The following DHX9 variants were observed in gnomAD, a reference collection of about 807,000 sequenced individuals.
DHX9 encodes DExH-box helicase 9.
DHX9 carries 27 observed loss-of-function variants against 148.7 expected under a neutral mutation model. That is an observed-to-expected ratio of 0.18 (90% confidence interval 0.13 to 0.25). The LOEUF (loss-of-function observed/expected upper bound fraction) is 0.25, where lower values mean the gene tolerates loss of function less well. DHX9 is among the 10% of genes least tolerant of loss of function. The pLI, the probability that DHX9 is intolerant of heterozygous loss-of-function variation, is 1.00. For synonymous variants in DHX9, 529 were observed against 516.6 expected (o/e 1.02, Z -0.33); for missense variants, 796 against 1,559.6 (o/e 0.51, Z 8.25).
chr1:182,887,492 G>A lies in DHX9; in HGVS notation c.*58G>A. ...GTAAGGAAAAAAAGGCATGCTATGT[G>A]TTACGTGTTTTTTCCAGTATGTTTA... On this transcript the variant is annotated 3_prime_UTR_variant, in exon 28 of 28. Coordinates refer to ENST00000367549, the MANE Select transcript of DHX9 (RefSeq NM_001357.5). The A allele has an allele frequency of 6.9e-7, 1 of 1,452,906 alleles. No individual in the cohort carries two copies. Among genetic ancestry groups the A allele is most frequent in the Non-Finnish European group, 9.4e-7 (1 of 1,067,978 alleles). The allele number at this position is 1,452,906 out of a possible 1,614,324, so 90.0% of individuals were successfully genotyped here.
rs1489634882 is a variant in DHX9, at chr1:182,866,342, A to C, written c.1333-102A>C. On this transcript the variant is annotated intron_variant, in intron 12 of 27. Transcript: ENST00000367549. Reference sequence around the variant, plus strand: ...ATTTATTGTTTCTGTTAATTATTCAACTAGCAGTAGGACAGATTTACTACA... The same window carrying C: ...ATTTATTGTTTCTGTTAATTATTCACCTAGCAGTAGGACAGATTTACTACA... 2.6e-6 allele frequency: 3 copies of C among 1,154,806 alleles called. No individual in the cohort carries two copies. The South Asian group carries it at 4.9e-5, about 19-fold the overall frequency. The allele number at this position is 1,154,806 out of a possible 1,614,324, so 71.5% of individuals were successfully genotyped here. A position where few individuals can be genotyped will look rare whatever the true frequency, so the allele number is the denominator to read the frequency against.
chr1:182,853,973 C>T lies in DHX9; in HGVS notation c.478-57C>T. 3.9e-6 allele frequency: 6 copies of T among 1,531,154 alleles called. No individual in the cohort carries two copies. In the South Asian group the frequency reaches 7.0e-5, roughly 18 times the overall value. 94.8% of individuals were successfully genotyped at this position (1,531,154 alleles called of 1,614,324 possible). ...AAAGACAGTATTAAAAATTTCTGTG[C>T]CTTGTTTGTATACCTAAACTTAACA... On this transcript the variant is annotated intron_variant, in intron 5 of 27. Transcript: ENST00000367549.
rs748570331 is a variant in DHX9, at chr1:182,887,120, TACG to T, written c.3502_3504del (p.Asp1168del). 1 of 1,614,174 alleles carries T rather than the reference TACG, an allele frequency of 6.2e-7. No homozygotes were observed. The highest frequency in any genetic ancestry group is 8.5e-7 in the Non-Finnish European group (1 of 1,180,020). On this transcript the variant is annotated inframe_deletion, in exon 28 of 28. Transcript: ENST00000367549. ...TCCACGTCCTCCCAAGATGGCCCGA[TACG>T]ACAATGGAAGCGGATATAGAAGGGG...
At chr1:182,871,209 C>T (rs1293705826) in intron 14 of DHX9, among the ~76,000 whole-genome samples, 1 of 152,048 alleles carries the variant, frequency 6.6e-6, no homozygotes, top group African/African-American at 2.4e-5. Context: ...AAGTAAACAA[C>T]TTAGTAGAAA....
At chr1:182,861,309 C>CA (rs1668359353) in intron 12 of DHX9, among the ~76,000 whole-genome samples, 1 of 152,102 alleles carries the variant, frequency 6.6e-6, no homozygotes, top group South Asian at 2.1e-4. Flanking sequence ...AGCTTGTTCA[C>CA]AAAATTTTCT....
At chr1:182,840,587 C>G (rs969437377) in intron 1 of DHX9, among the ~76,000 whole-genome samples, 1 of 152,148 alleles carries the variant, frequency 6.6e-6, no homozygotes, top group Non-Finnish European at 1.5e-5. Flanking sequence ...CGTGAGCCTC[C>G]GCGCCCGCCC....
At chr1:182,878,405 A>G (rs1648920604) in intron 20 of DHX9, among the ~76,000 whole-genome samples, 1 of 152,240 alleles carries the variant, frequency 6.6e-6, no homozygotes, top group African/African-American at 2.4e-5. Flanking sequence ...AATACATTGT[A>G]TAACACTAAG....
At chr1:182,858,468 T>C in intron 8 of DHX9, 83 bp from the exon 9 acceptor site, 3 of 1,240,858 alleles carry the variant, frequency 2.4e-6, no homozygotes, top group South Asian at 2.8e-5. Context: ...AGGAATATTG[T>C]AGACCTAGTG....
chr1:182,879,277 G>A lies in DHX9; in HGVS notation c.2379G>A (p.Met793Ile). Residue 793 changes from methionine to isoleucine, a missense_variant, in exon 21 of 28, where the codon ATG (methionine) becomes ATA (isoleucine). Coordinates refer to ENST00000367549, the MANE Select transcript of DHX9 (RefSeq NM_001357.5). ...ERLETHMTPE[M>I]FRTPLHEIAL... is the part of the protein sequence containing the mutation. The stretch of plus-strand genomic sequence containing the variant: ...TTGAAACCCACATGACACCAGAGAT[G>A]TTCCGAACACCATTGCATGAAATTG... 1.3e-6 allele frequency: 2 copies of A among 1,522,964 alleles called. No homozygotes were observed. The highest frequency in any genetic ancestry group is 1.3e-5 in the South Asian group (1 of 78,680). The allele number at this position is 1,522,964 out of a possible 1,614,324, so 94.3% of individuals were successfully genotyped here.
chr1:182,887,718 TA>T lies in DHX9; in HGVS notation c.*286del. ...ACTTGGTATTTTCCTGGCTTTCGTTTAATACAATAGAAAATAAAGTATTACA... is the reference window on the plus strand; with the variant it reads ...ACTTGGTATTTTCCTGGCTTTCGTTTATACAATAGAAAATAAAGTATTACA... On this transcript the variant is annotated 3_prime_UTR_variant, in exon 28 of 28. Transcript: ENST00000367549. 2.9e-6 allele frequency: 1 copy of T among 344,788 alleles called. No individual in the cohort carries two copies. Among genetic ancestry groups the T allele is most frequent in the Non-Finnish European group, 5.4e-6 (1 of 186,424 alleles). The allele number at this position is 344,788 out of a possible 1,614,324, so 21.4% of individuals were successfully genotyped here. A position where few individuals can be genotyped will look rare whatever the true frequency, so the allele number is the denominator to read the frequency against.
chr1:182,880,014 G>T (rs1446196217), intron 21 of DHX9, among the ~76,000 whole-genome samples: 2 of 152,162 alleles, frequency 1.3e-5, no homozygotes, highest in Non-Finnish European at 2.9e-5. Flanking sequence ...AGGAGCCACT[G>T]TGTCCAGCCT....
rs1393447643 is a variant in DHX9 at position 182,876,651 on chromosome 1, A to G, written c.2124+110A>G. 4.7e-6 allele frequency: 5 copies of G among 1,070,572 alleles called. No homozygotes were observed. The African/African-American group carries it at 6.4e-5, about 14-fold the overall frequency. The allele number at this position is 1,070,572 out of a possible 1,614,324, so 66.3% of individuals were successfully genotyped here. ...AAATTGTAACCCATCTAAATTGAGG[A>G]AGAAAAAAGGAGTCTTCTCTTTCTG... On this transcript the variant is annotated intron_variant, in intron 18 of 27. Coordinates refer to ENST00000367549, the MANE Select transcript of DHX9 (RefSeq NM_001357.5).
At chr1:182,871,387 T>G (rs1648548826) in intron 14 of DHX9, among the ~76,000 whole-genome samples, 1 of 152,182 alleles carries the variant, frequency 6.6e-6, no homozygotes, top group Non-Finnish European at 1.5e-5. Flanking sequence ...TGTTGGAGAG[T>G]ATGTGGATCA....
At chr1:182,849,160 C>T (rs1013617420) in intron 3 of DHX9, among the ~76,000 whole-genome samples, 1 of 152,224 alleles carries the variant, frequency 6.6e-6, no homozygotes, top group Non-Finnish European at 1.5e-5. Context: ...CTTACCCTTT[C>T]ATGCCATAAA....
At chr1:182,864,504 A>G (rs1260026280) in intron 12 of DHX9, among the ~76,000 whole-genome samples, 1 of 152,182 alleles carries the variant, frequency 6.6e-6, no homozygotes, top group African/African-American at 2.4e-5. Flanking sequence ...GCATATTTTA[A>G]CTTTCGTGCA....
In DHX9 at chr1:182,875,004, G is replaced by C. The variant is rs1401240575; in HGVS notation, c.1815+50G>C. 3.4e-6 allele frequency: 5 copies of C among 1,462,880 alleles called. No homozygotes were observed. The South Asian group carries it at 4.6e-5, about 13-fold the overall frequency. 90.6% of individuals were successfully genotyped at this position (1,462,880 alleles called of 1,614,324 possible). ...CCATTATGGGCAAATTGTCAATGCA[G>C]AGAAAAAAATGAGTTAATGTAACAT... On this transcript the variant is annotated intron_variant, in intron 16 of 27. Transcript: ENST00000367549.
At chr1:182,859,239 A>G in intron 11 of DHX9, 122 bp downstream of exon 11, 1 of 768,328 alleles carries the variant, frequency 1.3e-6, no homozygotes, top group East Asian at 2.6e-5. Flanking sequence ...GATATGTACC[A>G]AACTGCTAAT....
chr1:182,858,629 AT>A lies in DHX9; in HGVS notation c.893del (p.Leu298CysfsTer63). On this transcript the variant is annotated frameshift_variant, in exon 9 of 28. Coordinates refer to ENST00000367549, the MANE Select transcript of DHX9 (RefSeq NM_001357.5). LOFTEE classifies it high-confidence loss of function. ...QNIIQELNLE[I>X]LPPPEDPSVP... is the part of the protein sequence containing the mutation. Reference sequence around the variant, plus strand: ...CATCATTCAAGAGCTAAATCTTGAGATTTTGCCCCCGGTAAGCATAAAGCTG... The same window carrying A: ...CATCATTCAAGAGCTAAATCTTGAGATTTGCCCCCGGTAAGCATAAAGCTG... The A allele has an allele frequency of 6.2e-7, 1 of 1,608,930 alleles. No homozygotes were observed. The highest frequency in any genetic ancestry group is 8.5e-7 in the Non-Finnish European group (1 of 1,175,982).
intron 1 of DHX9, among the ~76,000 whole-genome samples, chr1:182,840,741 AT>A (rs139029419): frequency 0.058 from 8,881 of 152,280 alleles, 355 homozygotes; most frequent in African/African-American, 0.12. Context: ...TAGATGATCT[AT>A]TATGGATATT....
Sources: gnomAD v4.1 joint callset for allele counts (sites outside exome capture counted in the v4.1 genomes callset) on GRCh38, gnomAD v4.1.1 for gene constraint, MANE v1.5 for transcripts, NCBI Gene and HGNC (gene_info 2026-07-23, HGNC 2026-07-21) for gene names.